The following KHDRBS3 variants were observed in gnomAD, a reference collection of about 807,000 sequenced individuals.
KHDRBS3 encodes KH domain-containing, RNA-binding, signal transduction-associated protein 3.
A neutral mutation model predicts 45.6 loss-of-function variants in KHDRBS3; 23 were observed. The observed-to-expected ratio is 0.50, with a 90% CI of 0.36 to 0.72. KHDRBS3 has a LOEUF of 0.72. Among genes scored for constraint, KHDRBS3 ranks in the 30% least tolerant of loss-of-function variants. The pLI, the probability that KHDRBS3 is intolerant of heterozygous loss-of-function variation, is 0.00. For missense variants in KHDRBS3, 352 were observed against 424.8 expected, an observed-to-expected ratio of 0.83 and a Z score of 1.51; for synonymous variants, 162 against 156.5, an observed-to-expected ratio of 1.04 and a Z score of -0.26.
chr8:135,586,408 A>T (rs956713275), intron 6 of KHDRBS3, among the ~76,000 whole-genome samples: 5 of 152,176 alleles, frequency 3.3e-5, no homozygotes, highest in African/African-American at 1.2e-4. Flanking sequence ...CAGATGCTGC[A>T]TGTTCCCTTC....
At chr8:135,485,058 G>C (rs1486070804) in intron 1 of KHDRBS3, among the ~76,000 whole-genome samples, 6 of 152,128 alleles carry the variant, frequency 3.9e-5, no homozygotes, top group African/African-American at 1.4e-4. Context: ...GCTGTGTACA[G>C]AAAAAACCCT....
At chr8:135,634,250 T>C (rs1043566156) in intron 7 of KHDRBS3, among the ~76,000 whole-genome samples, 3 of 152,220 alleles carry the variant, frequency 2.0e-5, no homozygotes, top group Non-Finnish European at 4.4e-5. Context: ...CATGGTGAAA[T>C]TATTTTTTAA....
chr8:135,625,380 A>G, intron 7 of KHDRBS3: 2 of 840,942 alleles, frequency 2.4e-6, no homozygotes, highest in Non-Finnish European at 2.1e-6. Flanking sequence ...GTAAGTTTCA[A>G]TACATTGAGT....
chr8:135,586,759 T>C (rs1439711504), intron 6 of KHDRBS3, among the ~76,000 whole-genome samples: 1 of 152,220 alleles, frequency 6.6e-6, no homozygotes, highest in Non-Finnish European at 1.5e-5. Context: ...TGTTTGGCTA[T>C]ATCAAACCAA....
At chr8:135,485,409 A>G (rs967041827) in intron 1 of KHDRBS3, among the ~76,000 whole-genome samples, 1 of 152,176 alleles carries the variant, frequency 6.6e-6, no homozygotes, top group African/African-American at 2.4e-5. Flanking sequence ...ACGGTAGAGA[A>G]GGACATTTCA....
At chr8:135,470,608 C>T (rs1017074526) in intron 1 of KHDRBS3, among the ~76,000 whole-genome samples, 12 of 148,328 alleles carry the variant, frequency 8.1e-5, no homozygotes, top group African/African-American at 3.0e-4. Flanking sequence ...TTCCCTGAGA[C>T]AGAGTCTTAC....
rs556611502 is a variant in KHDRBS3, at chr8:135,582,131, G to A, written c.807+58G>A. On this transcript the variant is annotated intron_variant, in intron 6 of 8. Transcript: ENST00000355849. ...ATCAGATTGACTTAATCCAGACTTA[G>A]CACTGGATATTGTACCCGCGTACGC... 31 of 1,415,252 alleles carry A rather than the reference G, an allele frequency of 2.2e-5. No homozygotes were observed. In the South Asian group the frequency reaches 5.3e-4, roughly 24 times the overall value. The allele number at this position is 1,415,252 out of a possible 1,614,324, so 87.7% of individuals were successfully genotyped here. A position where few individuals can be genotyped will look rare whatever the true frequency, so the allele number is the denominator to read the frequency against.
intron 2 of KHDRBS3, chr8:135,540,273 A>C (rs1825979772): frequency 6.6e-6 from 1 of 152,230 alleles, no homozygotes; most frequent in Admixed American, 6.5e-5. Context: ...AGAAAGCAGA[A>C]CCCTGAGCTG....
At chr8:135,632,224 T>A (rs1438369399) in intron 7 of KHDRBS3, among the ~76,000 whole-genome samples, 1 of 152,210 alleles carries the variant, frequency 6.6e-6, no homozygotes, top group African/African-American at 2.4e-5. Context: ...CTCAGTGACC[T>A]CCTCTGAGCA....
chr8:135,615,604 T>G (rs1829884504), intron 7 of KHDRBS3, among the ~76,000 whole-genome samples: 1 of 152,208 alleles, frequency 6.6e-6, no homozygotes, highest in Non-Finnish European at 1.5e-5. Context: ...ATGGGCAGAC[T>G]TCTTAAAAAA....
intron 1 of KHDRBS3, among the ~76,000 whole-genome samples, chr8:135,504,047 C>T (rs868808206): frequency 2.0e-5 from 3 of 152,136 alleles, no homozygotes; most frequent in Non-Finnish European, 2.9e-5. Flanking sequence ...CTTGCCTAAG[C>T]GATTGTCAAG....
chr8:135,616,622 T>G (rs1227297161), intron 7 of KHDRBS3, among the ~76,000 whole-genome samples: 1 of 152,210 alleles, frequency 6.6e-6, no homozygotes, highest in Non-Finnish European at 1.5e-5. Context: ...GCAACAGTAC[T>G]TACGATCAAC....
intron 1 of KHDRBS3, among the ~76,000 whole-genome samples, chr8:135,460,866 G>A (rs1434890321): frequency 2.0e-5 from 3 of 151,808 alleles, no homozygotes; most frequent in African/African-American, 7.3e-5. Context: ...AGGTGTAGTC[G>A]TTCTTTAAAA....
chr8:135,550,785 T>C (rs1586705975), intron 4 of KHDRBS3, among the ~76,000 whole-genome samples: 1 of 152,266 alleles, frequency 6.6e-6, no homozygotes, highest in Admixed American at 6.5e-5. Context: ...TTGATAGATA[T>C]TATATTGAAT....
chr8:135,474,201 T>C (rs1303037884), intron 1 of KHDRBS3, among the ~76,000 whole-genome samples: 1 of 152,198 alleles, frequency 6.6e-6, no homozygotes, highest in Non-Finnish European at 1.5e-5. Context: ...TTATAAACTT[T>C]CCTAAGTATC....
chr8:135,501,409 T>A (rs1823729751), intron 1 of KHDRBS3, among the ~76,000 whole-genome samples: 1 of 152,202 alleles, frequency 6.6e-6, no homozygotes, highest in South Asian at 2.1e-4. Flanking sequence ...TCTTTTAGCG[T>A]ATTGTTTCTA....
At chr8:135,577,611 T>C (rs944371590) in intron 5 of KHDRBS3, among the ~76,000 whole-genome samples, 2 of 152,194 alleles carry the variant, frequency 1.3e-5, no homozygotes, top group African/African-American at 4.8e-5. Flanking sequence ...TACTGCTGAA[T>C]CATTTTCTAC....
intron 1 of KHDRBS3, among the ~76,000 whole-genome samples, chr8:135,477,415 TGGAA>T (rs1822346903): frequency 6.6e-6 from 1 of 152,166 alleles, no homozygotes; most frequent in Non-Finnish European, 1.5e-5. Context: ...CATAAAATAT[TGGAA>T]AAATGTAGAG....
intron 1 of KHDRBS3, among the ~76,000 whole-genome samples, chr8:135,472,971 T>C (rs1213930626): frequency 2.0e-5 from 3 of 152,060 alleles, no homozygotes; most frequent in Non-Finnish European, 4.4e-5. Context: ...CTTGCTTACT[T>C]AGCATGACTA....
Sources: allele counts gnomAD v4.1 joint callset (sites outside exome capture counted in the v4.1 genomes callset), GRCh38; gene constraint gnomAD v4.1.1; transcripts MANE v1.5; gene names NCBI Gene and HGNC (gene_info 2026-07-23, HGNC 2026-07-21).